Variants in RALGAPA2 observed in about 807,000 individuals in gnomAD.
The protein encoded by RALGAPA2 is ral GTPase-activating protein subunit alpha-2.
Under a neutral mutation model 230.4 loss-of-function variants are expected in RALGAPA2, and 139 were observed. That is an observed-to-expected ratio of 0.60 (90% CI 0.53 to 0.69). The LOEUF (loss-of-function observed/expected upper bound fraction) is 0.69. Ranked by LOEUF, RALGAPA2 falls within the 30% of genes least tolerant of loss-of-function variation. RALGAPA2 has a pLI of 0.00. For missense variants in RALGAPA2, 2,163 were observed against 2,276.0 expected, an observed-to-expected ratio of 0.95 and a Z score of 1.01; for synonymous variants, 847 against 837.8, an observed-to-expected ratio of 1.01 and a Z score of -0.19.
chr20:20,434,452 A>G (rs1258215623), intron 37 of RALGAPA2, among the ~76,000 whole-genome samples: 1 of 152,202 alleles, frequency 6.6e-6, no homozygotes, highest in Non-Finnish European at 1.5e-5. Context: ...GGACTGTTTC[A>G]GCCACAACCA....
chr20:20,706,663 T>C (rs1010542747), intron 1 of RALGAPA2, among the ~76,000 whole-genome samples: 1 of 152,166 alleles, frequency 6.6e-6, no homozygotes, highest in Non-Finnish European at 1.5e-5. Flanking sequence ...GAGGCCAATA[T>C]CACAGCAACA....
At chr20:20,399,532 G>A (rs1200806785) in intron 38 of RALGAPA2, among the ~76,000 whole-genome samples, 1 of 152,172 alleles carries the variant, frequency 6.6e-6, no homozygotes, top group Non-Finnish European at 1.5e-5. Flanking sequence ...GCCAAACTGT[G>A]GCCAACTGGC....
At chr20:20,652,317 CA>C (rs914722171) in intron 4 of RALGAPA2, among the ~76,000 whole-genome samples, 2 of 152,144 alleles carry the variant, frequency 1.3e-5, no homozygotes, top group African/African-American at 4.8e-5. Context: ...GTTCATCTTT[CA>C]AGGCTCAGAT....
chr20:20,695,863 C>T (rs1603251409), intron 1 of RALGAPA2, among the ~76,000 whole-genome samples: 1 of 152,302 alleles, frequency 6.6e-6, no homozygotes, highest in African/African-American at 2.4e-5. Context: ...TGATGTGGAG[C>T]CAATCTGCAG....
chr20:20,567,806 C>A (rs1318224945), intron 23 of RALGAPA2, among the ~76,000 whole-genome samples: 3 of 148,824 alleles, frequency 2.0e-5, no homozygotes, highest in Admixed American at 6.7e-5. Context: ...TGTGTCACTG[C>A]GCTCCAGCCT....
chr20:20,544,544 C>A (rs2063731159), intron 24 of RALGAPA2, among the ~76,000 whole-genome samples: 1 of 152,138 alleles, frequency 6.6e-6, no homozygotes, highest in Admixed American at 6.5e-5. Flanking sequence ...GATTATAAAT[C>A]ATGCTGCTAT....
At chr20:20,457,166 A>G (rs1000718460) in intron 37 of RALGAPA2, among the ~76,000 whole-genome samples, 3 of 152,172 alleles carry the variant, frequency 2.0e-5, no homozygotes, top group Non-Finnish European at 1.5e-5. Flanking sequence ...GTCAGGTTCA[A>G]TGTATGAGCT....
intron 3 of RALGAPA2, among the ~76,000 whole-genome samples, chr20:20,674,619 G>C (rs1448506144): frequency 6.6e-6 from 1 of 152,140 alleles, no homozygotes; most frequent in Non-Finnish European, 1.5e-5. Flanking sequence ...CAAAATGTAG[G>C]AATTAAACAA....
intron 20 of RALGAPA2, among the ~76,000 whole-genome samples, chr20:20,576,262 C>T (rs925834934): frequency 6.6e-6 from 1 of 152,084 alleles, no homozygotes; most frequent in Non-Finnish European, 1.5e-5. Flanking sequence ...ATAAAGTCTA[C>T]ACTTCATTGA....
chr20:20,703,542 T>C (rs1362235676), intron 1 of RALGAPA2, among the ~76,000 whole-genome samples: 1 of 152,246 alleles, frequency 6.6e-6, no homozygotes, highest in African/African-American at 2.4e-5. Context: ...AATAGATATT[T>C]AATAAATTTC....
At chr20:20,632,800 T>C (rs2066720907) in intron 9 of RALGAPA2, among the ~76,000 whole-genome samples, 1 of 152,184 alleles carries the variant, frequency 6.6e-6, no homozygotes, top group Non-Finnish European at 1.5e-5. Flanking sequence ...TTCATCTCCT[T>C]AGTCTATTTT....
chr20:20,622,629 T>C (rs2066357900), intron 10 of RALGAPA2, among the ~76,000 whole-genome samples: 2 of 152,016 alleles, frequency 1.3e-5, no homozygotes, highest in South Asian at 4.1e-4. Flanking sequence ...GAAAGCAAAA[T>C]ACAGACATTT....
At position 20,428,480 on chromosome 20, in the gene RALGAPA2, T is replaced by C. The variant is rs550645873; in HGVS notation, c.5496-16332A>G. Among the ~76,000 whole-genome samples, 283 of 152,356 alleles carry C rather than the reference T, an allele frequency of 1.9e-3. 1 individual carries two copies. The Middle Eastern group carries it at 0.034, about 18-fold the overall frequency. ...CAGCTCCATTAAATCAGCAGTTTTA[T>C]ATTAATGGCATGAGACATGACCCAG... On this transcript the variant is annotated intron_variant, in intron 37 of 39. Transcript: ENST00000202677.
intron 32 of RALGAPA2, among the ~76,000 whole-genome samples, chr20:20,511,529 C>T (rs2062704714): frequency 6.6e-6 from 1 of 152,202 alleles, no homozygotes; most frequent in South Asian, 2.1e-4. Context: ...CCCATTACTA[C>T]CCAGTGACAC....
intron 24 of RALGAPA2, among the ~76,000 whole-genome samples, chr20:20,546,261 G>C (rs2063772082): frequency 6.6e-6 from 1 of 151,934 alleles, no homozygotes; most frequent in Non-Finnish European, 1.5e-5. Flanking sequence ...TTCTAGTTAA[G>C]ACTTTACTGT....
chr20:20,464,900 T>C (rs2061380923), intron 37 of RALGAPA2, among the ~76,000 whole-genome samples: 1 of 152,128 alleles, frequency 6.6e-6, no homozygotes, highest in South Asian at 2.1e-4. Flanking sequence ...TGTCAGGTGC[T>C]ATTTTAAGTG....
chr20:20,409,229 TCC>T (rs1398864455), intron 38 of RALGAPA2, among the ~76,000 whole-genome samples: 3 of 152,216 alleles, frequency 2.0e-5, no homozygotes, highest in Admixed American at 6.5e-5. Flanking sequence ...CGAGTGCATC[TCC>T]CACTTTTACT....
At chr20:20,637,642 A>G in intron 7 of RALGAPA2, 141 bp from the exon 8 acceptor site, 1 of 779,080 alleles carries the variant, frequency 1.3e-6, no homozygotes, top group Non-Finnish European at 2.0e-6. Context: ...ATGTAATGAA[A>G]TAATAACAAA....
At chr20:20,581,441 G>C (rs957184832) in intron 20 of RALGAPA2, among the ~76,000 whole-genome samples, 2 of 152,062 alleles carry the variant, frequency 1.3e-5, no homozygotes, top group African/African-American at 4.8e-5. Context: ...AATTTTAACA[G>C]GAACACAGTG....
Sources: gnomAD v4.1 joint callset for allele counts (sites outside exome capture counted in the v4.1 genomes callset) on GRCh38, gnomAD v4.1.1 for gene constraint, MANE v1.5 for transcripts, NCBI Gene and HGNC (gene_info 2026-07-23, HGNC 2026-07-21) for gene names.